Variants in PALLD observed in about 807,000 individuals in gnomAD.
PALLD encodes palladin.
In PALLD, 61 loss-of-function variants were observed where a neutral mutation model predicts 123.5. The observed-to-expected ratio is 0.49, with a 90% CI of 0.40 to 0.61. PALLD has a LOEUF of 0.61. Among genes scored for constraint, PALLD ranks in the 20% least tolerant of loss-of-function variants. The pLI, the probability that PALLD is intolerant of heterozygous loss-of-function variation, is 0.00. For synonymous variants in PALLD, 465 were observed against 496.4 expected (o/e 0.94, Z 0.84); for missense variants, 1,273 against 1,377.0 (o/e 0.92, Z 1.20).
At chr4:168,503,161 T>A (rs888060735) in intron 1 of PALLD, among the ~76,000 whole-genome samples, 1 of 152,222 alleles carries the variant, frequency 6.6e-6, no homozygotes, top group African/African-American at 2.4e-5. Context: ...CCTGCTTCCA[T>A]TGGGCTCACA....
chr4:168,845,953 C>T (rs1166277021), intron 10 of PALLD, among the ~76,000 whole-genome samples: 2 of 152,202 alleles, frequency 1.3e-5, no homozygotes, highest in Non-Finnish European at 2.9e-5. Context: ...AGAGGTATCA[C>T]AGATTTCAAA....
intron 2 of PALLD, among the ~76,000 whole-genome samples, chr4:168,547,797 T>A (rs1016676187): frequency 1.3e-5 from 2 of 151,652 alleles, no homozygotes; most frequent in African/African-American, 2.4e-5. Flanking sequence ...AATACAAAAA[T>A]TAGCTGGGCG....
chr4:168,708,913 A>C, intron 8 of PALLD, 115 bp from the exon 9 acceptor site: 1 of 918,744 alleles, frequency 1.1e-6, no homozygotes, highest in Non-Finnish European at 1.8e-6. Context: ...TTGTAAAGTG[A>C]ATCTGTAATA....
At chr4:168,682,146 C>T (rs1482487938) in intron 4 of PALLD, among the ~76,000 whole-genome samples, 2 of 152,018 alleles carry the variant, frequency 1.3e-5, no homozygotes, top group African/African-American at 4.8e-5. Context: ...CTTAGTTATT[C>T]CTACAAAGAC....
At chr4:168,924,470 TGTATCAAAA>T in intron 19 of PALLD, 50 bp downstream of exon 19, 1 of 1,497,400 alleles carries the variant, frequency 6.7e-7, no homozygotes, top group Non-Finnish European at 9.3e-7. Flanking sequence ...GTCCTAATGA[TGTATCAAAA>T]GATACATTTT....
intron 2 of PALLD, among the ~76,000 whole-genome samples, chr4:168,552,210 C>T (rs1045139593): frequency 6.6e-6 from 1 of 152,106 alleles, no homozygotes; most frequent in African/African-American, 2.4e-5. Flanking sequence ...AGAGCCTATC[C>T]TTTACTGCCC....
intron 10 of PALLD, among the ~76,000 whole-genome samples, chr4:168,758,965 A>G (rs936797175): frequency 1.6e-4 from 24 of 151,568 alleles, no homozygotes; most frequent in African/African-American, 5.8e-4. Flanking sequence ...ACCTGAGGTC[A>G]GGAGTTCAAG....
intron 3 of PALLD, among the ~76,000 whole-genome samples, chr4:168,681,038 A>T (rs1277595191): frequency 6.6e-6 from 1 of 152,212 alleles, no homozygotes; most frequent in East Asian, 1.9e-4. Context: ...GTTTATAGCC[A>T]TTTAAAAGTA....
chr4:168,926,776 T>C lies in PALLD; in HGVS notation c.*596T>C, dbSNP rs550529996. On this transcript the variant is annotated 3_prime_UTR_variant, in exon 22 of 22. Coordinates refer to ENST00000505667, the MANE Select transcript of PALLD (RefSeq NM_001166108.2). ...TGTGAAATGTTTAATGAGGGAGTTG[T>C]ACCACAAACAGTACTACAATGATTC... 1.6e-5 allele frequency: 4 copies of C among 243,932 alleles called. No homozygotes were observed. The East Asian group carries it at 2.5e-4, about 15-fold the overall frequency. 15.1% of individuals were successfully genotyped at this position (243,932 alleles called of 1,614,324 possible).
intron 2 of PALLD, among the ~76,000 whole-genome samples, chr4:168,561,368 C>T (rs899109822): frequency 2.0e-5 from 3 of 152,104 alleles, no homozygotes; most frequent in Non-Finnish European, 2.9e-5. Context: ...GTTAAACGAT[C>T]CTCTTACCTC....
chr4:168,532,140 A>G (rs1016478310), intron 2 of PALLD, among the ~76,000 whole-genome samples: 1 of 151,954 alleles, frequency 6.6e-6, no homozygotes, highest in Non-Finnish European at 1.5e-5. Context: ...CTATGTGTCC[A>G]TGTGTTTTTA....
intron 10 of PALLD, among the ~76,000 whole-genome samples, chr4:168,759,141 T>C (rs1384721849): frequency 7.6e-6 from 1 of 132,214 alleles, no homozygotes; most frequent in Non-Finnish European, 1.5e-5. Context: ...ATCGTGCCAT[T>C]GCACTCCAGC....
At chr4:168,861,413 T>C (rs923558873) in intron 10 of PALLD, among the ~76,000 whole-genome samples, 2 of 152,016 alleles carry the variant, frequency 1.3e-5, no homozygotes, top group Admixed American at 6.6e-5. Flanking sequence ...GAGAGGGAAA[T>C]TGGACTGGGA....
intron 10 of PALLD, among the ~76,000 whole-genome samples, chr4:168,848,481 T>C (rs887321482): frequency 2.0e-5 from 3 of 150,878 alleles, no homozygotes; most frequent in Admixed American, 6.6e-5. Context: ...TCTGTGTTTT[T>C]TCTCCTAAAA....
At chr4:168,799,208 C>T (rs991780592) in intron 10 of PALLD, among the ~76,000 whole-genome samples, 4 of 152,168 alleles carry the variant, frequency 2.6e-5, no homozygotes, top group African/African-American at 9.7e-5. Flanking sequence ...CAAGACTCAA[C>T]CACTGTTACA....
At chr4:168,790,563 A>G (rs1737372071) in intron 10 of PALLD, among the ~76,000 whole-genome samples, 1 of 152,084 alleles carries the variant, frequency 6.6e-6, no homozygotes, top group Non-Finnish European at 1.5e-5. Context: ...TCATTGACCA[A>G]TCTATGCTTT....
At chr4:168,714,246 G>C (rs932692235) in intron 10 of PALLD, among the ~76,000 whole-genome samples, 1 of 151,832 alleles carries the variant, frequency 6.6e-6, no homozygotes, top group African/African-American at 2.4e-5. Flanking sequence ...TGAAAGTTGT[G>C]GTATGGTGTA....
Position 168,716,690 on chromosome 4 carries a change from G to A in PALLD, c.1964+4767G>A, listed in dbSNP as rs1234504665. 2.0e-5 allele frequency among the ~76,000 whole-genome samples: 3 copies of A among 152,088 alleles called. No homozygotes were observed. In the East Asian group the frequency reaches 5.8e-4, roughly 29 times the overall value. On this transcript the variant is annotated intron_variant, in intron 10 of 21. Transcript: ENST00000505667. ...GTTAGGGATTGTTAGCATCACCTCA[G>A]TCCAGTTCTAGGCTAACAAAGTAAA...
Position 168,581,743 on chromosome 4 carries a change from C to T in PALLD, c.908+69331C>T, listed in dbSNP as rs142340299. 3.7e-3 allele frequency among the ~76,000 whole-genome samples: 557 copies of T among 152,136 alleles called. 3 individuals are homozygous for T. Among genetic ancestry groups the T allele is most frequent in the Non-Finnish European group, 5.7e-3 (390 of 67,944 alleles). ...TTTACTCTGTTGACTATTTCCTTTG[C>T]TTTGCAGAAGGTTTTAGTCTGATGC... On this transcript the variant is annotated intron_variant, in intron 2 of 21. Transcript: ENST00000505667.
Sources: gnomAD v4.1 joint callset for allele counts (sites outside exome capture counted in the v4.1 genomes callset) on GRCh38, gnomAD v4.1.1 for gene constraint, MANE v1.5 for transcripts, NCBI Gene and HGNC (gene_info 2026-07-23, HGNC 2026-07-21) for gene names.